The following GALNTL6 variants were observed in gnomAD, a reference collection of about 807,000 sequenced individuals.
The protein encoded by GALNTL6 is polypeptide N-acetylgalactosaminyltransferase like 6.
Under a neutral mutation model 73.7 loss-of-function variants are expected in GALNTL6, and 46 were observed. The observed-to-expected ratio is 0.62, with a 90% CI of 0.49 to 0.80. GALNTL6 has a LOEUF of 0.80. Ranked by LOEUF, GALNTL6 falls within the 30% of genes least tolerant of loss-of-function variation. The probability of loss-of-function intolerance (pLI) is 0.00; values close to 1 mark genes in which losing one functional copy is unlikely to be tolerated. For synonymous variants in GALNTL6, 259 were observed against 263.7 expected (o/e 0.98, Z 0.17); for missense variants, 604 against 755.0 (o/e 0.80, Z 2.34).
chr4:172,444,248 A>T (rs1007208904), intron 5 of GALNTL6, among the ~76,000 whole-genome samples: 1 of 152,222 alleles, frequency 6.6e-6, no homozygotes, highest in African/African-American at 2.4e-5. Context: ...GCCTTAAGTG[A>T]TCTAACGGTC....
intron 2 of GALNTL6, among the ~76,000 whole-genome samples, chr4:171,856,111 T>C (rs994376243): frequency 5.9e-5 from 9 of 152,154 alleles, no homozygotes; most frequent in African/African-American, 1.7e-4. Flanking sequence ...GTTGTAGTTG[T>C]TGTTGTTTTG....
intron 10 of GALNTL6, among the ~76,000 whole-genome samples, chr4:172,984,275 T>C (rs151247488): frequency 6.0e-4 from 92 of 152,078 alleles, no homozygotes; most frequent in African/African-American, 2.2e-3. Context: ...CTCAGAAAAC[T>C]TACAATCATG....
chr4:171,814,379 T>TG, intron 1 of GALNTL6, 33 bp from the exon 2 acceptor site: 3 of 602,480 alleles, frequency 5.0e-6, no homozygotes, highest in Non-Finnish European at 2.9e-6. Flanking sequence ...CATAGTTTTC[T>TG]GGGGGGAAAG....
chr4:172,530,774 A>G (rs1381482828), intron 5 of GALNTL6, among the ~76,000 whole-genome samples: 1 of 152,222 alleles, frequency 6.6e-6, no homozygotes, highest in East Asian at 1.9e-4. Flanking sequence ...TAACTTTAGT[A>G]CATACAAATA....
At position 172,503,932 on chromosome 4, in the gene GALNTL6, A is replaced by C. The variant is rs1462892994; in HGVS notation, c.553+155243A>C. On this transcript the variant is annotated intron_variant, in intron 5 of 12. Coordinates refer to ENST00000506823, the MANE Select transcript of GALNTL6 (RefSeq NM_001034845.3). ...ATTGGGAGGCCGAGGCAGATGGATC[A>C]CGTGAGGTCAGGAGTTCAAGACCAG... Among the ~76,000 whole-genome samples, 2 of 9,214 alleles carry C rather than the reference A, an allele frequency of 2.2e-4. 1 individual carries two copies. Among genetic ancestry groups the C allele is most frequent in the Non-Finnish European group, 6.1e-4 (2 of 3,272 alleles). The allele number at this position is 9,214 out of a possible 152,430, so 6.0% of individuals were successfully genotyped here. A position where few individuals can be genotyped will look rare whatever the true frequency, so the allele number is the denominator to read the frequency against.
At chr4:171,829,077 T>C (rs1477970831) in intron 2 of GALNTL6, among the ~76,000 whole-genome samples, 1 of 152,186 alleles carries the variant, frequency 6.6e-6, no homozygotes, top group Non-Finnish European at 1.5e-5. Context: ...AGGCTATTAG[T>C]AGTTAAGTTG....
At chr4:172,551,548 CTTAAAA>C (rs1278631109) in intron 5 of GALNTL6, among the ~76,000 whole-genome samples, 3 of 152,042 alleles carry the variant, frequency 2.0e-5, no homozygotes, top group Non-Finnish European at 2.9e-5. Context: ...GTAAATACGA[CTTAAAA>C]TTAAAAACCA....
At chr4:172,837,266 G>T (rs1742959221) in intron 7 of GALNTL6, among the ~76,000 whole-genome samples, 1 of 152,074 alleles carries the variant, frequency 6.6e-6, no homozygotes, top group Non-Finnish European at 1.5e-5. Context: ...TGTGGTCCAG[G>T]ATTAGATCGT....
At position 172,530,796 on chromosome 4, in the gene GALNTL6, G is replaced by C. The variant is rs1005987795; in HGVS notation, c.553+182107G>C. Among the ~76,000 whole-genome samples the C allele has an allele frequency of 5.3e-5, 8 of 152,186 alleles. No individual in the cohort carries two copies. In the East Asian group the frequency reaches 1.5e-3, roughly 29 times the overall value. On this transcript the variant is annotated intron_variant, in intron 5 of 12. Coordinates refer to ENST00000506823, the MANE Select transcript of GALNTL6 (RefSeq NM_001034845.3). ...AGTACATACAAATAGAAATAACATT[G>C]GTGATTTTATGGAAAAATGTTTTTT... is the stretch of plus-strand genomic sequence containing the variant.
intron 5 of GALNTL6, among the ~76,000 whole-genome samples, chr4:172,570,334 G>A (rs1437742406): frequency 6.6e-6 from 1 of 152,158 alleles, no homozygotes; most frequent in Non-Finnish European, 1.5e-5. Context: ...AACCAGTGGG[G>A]CTAGTTCCAG....
chr4:172,202,058 G>A lies in GALNTL6; in HGVS notation c.139-27598G>A, dbSNP rs373572684. Among the ~76,000 whole-genome samples, 17 of 152,174 alleles carry A rather than the reference G, an allele frequency of 1.1e-4. 1 individual carries two copies. The highest frequency in any genetic ancestry group is 8.5e-4 in the Admixed American group (13 of 15,276). ...CACCTTAATTTAGTTCAAACCATGA[G>A]GGAAAAGAGTGAGGCATTAGTGAAA... On this transcript the variant is annotated intron_variant, in intron 2 of 12. Coordinates refer to ENST00000506823, the MANE Select transcript of GALNTL6 (RefSeq NM_001034845.3).
chr4:172,594,498 C>T (rs1448603881), intron 5 of GALNTL6, among the ~76,000 whole-genome samples: 1 of 152,008 alleles, frequency 6.6e-6, no homozygotes, highest in East Asian at 1.9e-4. Context: ...GAAAATTCAG[C>T]TTTATAATTC....
At chr4:172,475,037 G>A (rs990999834) in intron 5 of GALNTL6, among the ~76,000 whole-genome samples, 11 of 152,214 alleles carry the variant, frequency 7.2e-5, no homozygotes, top group Non-Finnish European at 1.3e-4. Flanking sequence ...GAGGTGCTGA[G>A]TGTAATTTTA....
At chr4:171,862,700 A>G (rs1735864792) in intron 2 of GALNTL6, among the ~76,000 whole-genome samples, 1 of 152,198 alleles carries the variant, frequency 6.6e-6, no homozygotes, top group African/African-American at 2.4e-5. Context: ...TGTAATTTTA[A>G]ATATCTTGAC....
intron 2 of GALNTL6, among the ~76,000 whole-genome samples, chr4:171,952,260 T>A (rs1364781563): frequency 6.6e-6 from 1 of 151,922 alleles, no homozygotes; most frequent in Non-Finnish European, 1.5e-5. Context: ...CAAAAAGAGA[T>A]TGAAAATAGA....
chr4:172,166,100 A>G (rs1734615912), intron 2 of GALNTL6, among the ~76,000 whole-genome samples: 1 of 152,252 alleles, frequency 6.6e-6, no homozygotes, highest in African/African-American at 2.4e-5. Context: ...ATGTGTTCGT[A>G]ATATGGCTTG....
chr4:171,938,556 G>A (rs1305523865), intron 2 of GALNTL6, among the ~76,000 whole-genome samples: 1 of 152,098 alleles, frequency 6.6e-6, no homozygotes, highest in Non-Finnish European at 1.5e-5. Context: ...GTGTAAGTGT[G>A]AATTAAAAGC....
At chr4:172,235,353 A>G (rs566066125) in intron 3 of GALNTL6, among the ~76,000 whole-genome samples, 32 of 151,980 alleles carry the variant, frequency 2.1e-4, no homozygotes, top group African/African-American at 7.5e-4. Context: ...GACTACAGAT[A>G]TGCACCACCA....
chr4:172,024,704 G>A (rs916172684), intron 2 of GALNTL6, among the ~76,000 whole-genome samples: 1 of 151,868 alleles, frequency 6.6e-6, no homozygotes, highest in East Asian at 1.9e-4. Flanking sequence ...TATTATTTGA[G>A]AGTATCCAGA....
Sources: gnomAD v4.1 joint callset for allele counts (sites outside exome capture counted in the v4.1 genomes callset) on GRCh38, gnomAD v4.1.1 for gene constraint, MANE v1.5 for transcripts, NCBI Gene and HGNC (gene_info 2026-07-23, HGNC 2026-07-21) for gene names.